PLXNA4: variants seen among roughly 807,000 people sequenced by gnomAD.
PLXNA4 encodes plexin-A4.
Under a neutral mutation model 191.8 loss-of-function variants are expected in PLXNA4, and 44 were observed. The observed-to-expected ratio is 0.23, with a 90% CI of 0.18 to 0.29. PLXNA4 has a LOEUF of 0.29. Among genes scored for constraint, PLXNA4 ranks in the 10% least tolerant of loss-of-function variants. The probability of loss-of-function intolerance (pLI) is 1.00; values close to 1 mark genes in which losing one functional copy is unlikely to be tolerated. For missense variants in PLXNA4, 1,800 were observed against 2,488.8 expected, an observed-to-expected ratio of 0.72 and a Z score of 5.89; for synonymous variants, 1,082 against 1,009.5, an observed-to-expected ratio of 1.07 and a Z score of -1.36.
chr7:132,459,963 C>G (rs1033003634), intron 3 of PLXNA4, among the ~76,000 whole-genome samples: 3 of 136,532 alleles, frequency 2.2e-5, no homozygotes, highest in Non-Finnish European at 4.7e-5. Context: ...CTATAATTAA[C>G]CTACACATCA....
In PLXNA4 at chr7:132,187,460, C is replaced by T. The variant is rs1796917342; in HGVS notation, c.2993+11G>A. On this transcript the variant is annotated intron_variant, in intron 15 of 31. Coordinates refer to ENST00000321063, the MANE Select transcript of PLXNA4 (RefSeq NM_020911.2). ...CTCTCTGGTGCTGCAGAAAGGGGCC[C>T]TCTGAGTTACCTGTGGAAGAGACAG... The T allele has an allele frequency of 3.1e-6, 5 of 1,610,436 alleles. No individual in the cohort carries two copies. The highest frequency in any genetic ancestry group is 1.7e-4 in the Middle Eastern group (1 of 6,048).
chr7:132,472,576 C>T (rs1248035723), intron 3 of PLXNA4, among the ~76,000 whole-genome samples: 3 of 152,208 alleles, frequency 2.0e-5, no homozygotes, highest in Admixed American at 6.5e-5. Flanking sequence ...CACCCCCAGC[C>T]GACCGCCTCC....
chr7:132,191,710 C>A (rs1490752361), intron 14 of PLXNA4, among the ~76,000 whole-genome samples: 1 of 151,282 alleles, frequency 6.6e-6, no homozygotes, highest in East Asian at 2.0e-4. Flanking sequence ...CAGGAAATTT[C>A]AAAGCCAGAT....
intron 3 of PLXNA4, among the ~76,000 whole-genome samples, chr7:132,342,837 C>T (rs1803083480): frequency 6.6e-6 from 1 of 151,120 alleles, no homozygotes. Flanking sequence ...ATCCCAGCTA[C>T]TCAGGTGGCT....
chr7:132,157,540 A>T (rs1795833043), intron 25 of PLXNA4, among the ~76,000 whole-genome samples: 1 of 152,182 alleles, frequency 6.6e-6, no homozygotes, highest in Non-Finnish European at 1.5e-5. Context: ...AGAAGCACAC[A>T]TCTCTTCATG....
At chr7:132,561,317 TCTCCTCCTCTTCCTCCTCTTCCTC>T (rs1423971506) in intron 1 of PLXNA4, among the ~76,000 whole-genome samples, 4 of 97,084 alleles carry the variant, frequency 4.1e-5, no homozygotes, top group Non-Finnish European at 8.7e-5. Flanking sequence ...TTCTCCTTCT[TCTCCTCCTCTTCCTCCTCTTCCTC>T]CTCCTCCTCT....
chr7:132,136,483 G>A (rs1018085682), intron 30 of PLXNA4, among the ~76,000 whole-genome samples: 1 of 152,116 alleles, frequency 6.6e-6, no homozygotes, highest in Admixed American at 6.5e-5. Context: ...GCCTTCCCTG[G>A]TTCTTTTTGC....
chr7:132,538,003 T>C (rs916319559), intron 1 of PLXNA4, among the ~76,000 whole-genome samples: 2 of 152,246 alleles, frequency 1.3e-5, no homozygotes, highest in African/African-American at 4.8e-5. Flanking sequence ...TCGCTGATCC[T>C]GCCCGACCCC....
At chr7:132,422,911 A>G (rs2288971) in intron 3 of PLXNA4, among the ~76,000 whole-genome samples, 43,752 of 152,204 alleles carry the variant, frequency 0.29, 12,744 homozygotes, top group African/African-American at 0.74. Flanking sequence ...AACCTCTGAA[A>G]GCGAGATCTG....
intron 12 of PLXNA4, among the ~76,000 whole-genome samples, chr7:132,202,225 CCTT>C (rs1797461597): frequency 6.6e-6 from 1 of 152,152 alleles, no homozygotes; most frequent in Admixed American, 6.5e-5. Flanking sequence ...TCTGTTGTGA[CCTT>C]CTTCACCTCC....
chr7:132,165,572 A>C (rs1467519607), intron 22 of PLXNA4, among the ~76,000 whole-genome samples: 1 of 152,212 alleles, frequency 6.6e-6, no homozygotes, highest in Non-Finnish European at 1.5e-5. Context: ...AGCACTTAAA[A>C]TGTGGCAGCA....
chr7:132,330,301 A>T (rs541635874), intron 3 of PLXNA4, among the ~76,000 whole-genome samples: 1 of 152,302 alleles, frequency 6.6e-6, no homozygotes, highest in South Asian at 2.1e-4. Context: ...GCCACCTTAC[A>T]TCAGGAGACC....
At chr7:132,130,669 C>T in intron 31 of PLXNA4, 95 bp from the exon 32 acceptor site, 1 of 1,574,218 alleles carries the variant, frequency 6.4e-7, no homozygotes, top group Admixed American at 1.7e-5. Flanking sequence ...GGTCAGAAGC[C>T]CGGGAAGCCA....
chr7:132,203,377 A>G lies in PLXNA4; in HGVS notation c.2341T>C (p.Leu781=), dbSNP rs1294434785. The G allele has an allele frequency of 1.2e-6, 2 of 1,613,896 alleles. No homozygotes were observed. The highest frequency in any genetic ancestry group is 1.7e-5 in the Admixed American group (1 of 60,002). ...GMEINNLPVE[L]TVVWNGHFNI... ...AAGTGCCCATTCCACACGACTGTCA[A>G]CTCCACGGGCAGGTTGTTGATCTCC... The change falls in exon 11 of 32, where the codon TTG becomes CTG. Residue 781 remains leucine (L), a synonymous_variant. Coordinates refer to ENST00000321063, the MANE Select transcript of PLXNA4 (RefSeq NM_020911.2).
intron 21 of PLXNA4, among the ~76,000 whole-genome samples, chr7:132,170,417 A>AGAG (rs778925615): frequency 1.3e-5 from 2 of 152,178 alleles, no homozygotes; most frequent in Non-Finnish European, 1.5e-5. Context: ...AACTGAAAGG[A>AGAG]GAGGGGGTAT....
chr7:132,400,407 G>C (rs1793936134), intron 3 of PLXNA4, among the ~76,000 whole-genome samples: 1 of 152,130 alleles, frequency 6.6e-6, no homozygotes, highest in Non-Finnish European at 1.5e-5. Context: ...CCAGACTCTT[G>C]TGTTCTCTAC....
chr7:132,368,948 C>G (rs1804312066), intron 3 of PLXNA4, among the ~76,000 whole-genome samples: 1 of 152,220 alleles, frequency 6.6e-6, no homozygotes, highest in Admixed American at 6.5e-5. Context: ...GTCAGCACCA[C>G]CTGAAGGGGC....
chr7:132,462,634 G>T (rs993983589), intron 3 of PLXNA4, among the ~76,000 whole-genome samples: 1 of 151,842 alleles, frequency 6.6e-6, no homozygotes, highest in Non-Finnish European at 1.5e-5. Flanking sequence ...TACAGACAGG[G>T]TCTCACTATG....
intron 1 of PLXNA4, among the ~76,000 whole-genome samples, chr7:132,540,847 A>G (rs1800048954): frequency 6.6e-6 from 1 of 151,290 alleles, no homozygotes; most frequent in South Asian, 2.1e-4. Context: ...TCGGCCTCCC[A>G]AAGTGCTGGG....
Sources: allele counts gnomAD v4.1 joint callset (sites outside exome capture counted in the v4.1 genomes callset), GRCh38; gene constraint gnomAD v4.1.1; transcripts MANE v1.5; gene names NCBI Gene and HGNC (gene_info 2026-07-23, HGNC 2026-07-21).